SOAT1: variants seen among roughly 807,000 people sequenced by gnomAD.
The protein encoded by SOAT1 is acyl-coenzyme A:cholesterol acyltransferase 1.
A neutral mutation model predicts 69.5 loss-of-function variants in SOAT1; 55 were observed. The ratio of observed to expected loss-of-function variants is 0.79; its 90% CI spans 0.64 to 0.99. The LOEUF is 0.99. Among genes scored for constraint, SOAT1 ranks in the 50% least tolerant of loss-of-function variants. SOAT1 has a pLI of 0.00. For missense variants in SOAT1, 580 were observed against 669.3 expected, an observed-to-expected ratio of 0.87 and a Z score of 1.47; for synonymous variants, 231 against 224.7, an observed-to-expected ratio of 1.03 and a Z score of -0.25.
intron 1 of SOAT1, among the ~76,000 whole-genome samples, chr1:179,301,984 C>T (rs1336422757): frequency 6.6e-6 from 1 of 151,682 alleles, no homozygotes; most frequent in African/African-American, 2.4e-5. Flanking sequence ...AATCATACTC[C>T]ACCCTGTGGC....
At position 179,300,356 on chromosome 1, in the gene SOAT1, C is replaced by T. The variant is rs1028041775; in HGVS notation, c.-8-2321C>T. Among the ~76,000 whole-genome samples the T allele has an allele frequency of 1.8e-3, 275 of 152,234 alleles. 3 individuals are homozygous for T. Among genetic ancestry groups the T allele is most frequent in the Admixed American group, 4.6e-4 (7 of 15,282 alleles). ...GAAGAGATAGATGCTCTTGTGGCTT[C>T]CTCTGTCACTTTTACACAGAATTGG... On this transcript the variant is annotated intron_variant, in intron 1 of 15. Transcript: ENST00000367619.
chr1:179,318,016 C>T (rs1296569729), intron 2 of SOAT1, among the ~76,000 whole-genome samples: 1 of 151,860 alleles, frequency 6.6e-6, no homozygotes, highest in South Asian at 2.1e-4. Context: ...CATAGTGAGA[C>T]CTTGTCTCTA....
In SOAT1 at chr1:179,342,857, T is replaced by C. The variant is rs765860338; in HGVS notation, c.860-5T>C. 79 of 1,610,690 alleles carry C rather than the reference T, an allele frequency of 4.9e-5. No individual in the cohort carries two copies. The highest frequency in any genetic ancestry group is 6.2e-5 in the Non-Finnish European group (73 of 1,177,180). The stretch of plus-strand genomic sequence containing the variant: ...TTTGCTCTAACTATAGTTTTCCTTT[T>C]CTAGGCACTGTTCCAATACCTACAG... On this transcript the variant is annotated splice_region_variant and splice_polypyrimidine_tract_variant and intron_variant, in intron 8 of 15. Coordinates refer to ENST00000367619, the MANE Select transcript of SOAT1 (RefSeq NM_003101.6).
Position 179,347,616 on chromosome 1 carries a change from C to T in SOAT1, c.1134C>T (p.Phe378=), listed in dbSNP as rs1558058654. 1.2e-6 allele frequency: 2 copies of T among 1,610,266 alleles called. No homozygotes were observed. The highest frequency in any genetic ancestry group is 1.7e-5 in the Admixed American group (1 of 59,806). The change falls in exon 12 of 16, where the codon TTC becomes TTT. Residue 378 remains phenylalanine, a synonymous_variant. Coordinates refer to ENST00000367619, the MANE Select transcript of SOAT1 (RefSeq NM_003101.6). The part of the protein sequence containing the change: ...NSILPGVLIL[F]LTFFAFLHCW... ...TATTTTTAGGTGTGCTGATTCTCTT[C>T]CTTACTTTTTTTGCCTTTTTGCACT...
chr1:179,323,397 T>C (rs367654648), intron 2 of SOAT1, 40 bp from the exon 3 acceptor site: 15 of 1,547,000 alleles, frequency 9.7e-6, no homozygotes, highest in Non-Finnish European at 1.3e-5. Context: ...TAGGTAGCTG[T>C]ATCCATCAAC....
intron 2 of SOAT1, among the ~76,000 whole-genome samples, chr1:179,304,835 T>G (rs1571405142): frequency 1.3e-5 from 2 of 151,496 alleles, no homozygotes; most frequent in Non-Finnish European, 3.0e-5. Context: ...TTTAATAGAG[T>G]TGGGGCTTCA....
Position 179,302,816 on chromosome 1 carries a change from T to C in SOAT1, c.118+14T>C, listed in dbSNP as rs779392433. On this transcript the variant is annotated intron_variant, in intron 2 of 15. Transcript: ENST00000367619. ...CACCTAGTAATGGTGAGGCTTAATT[T>C]TTTTTTTTTAGGTGAATTAGTGAAA... is the stretch of plus-strand genomic sequence containing the variant. The C allele has an allele frequency of 6.7e-7, 1 of 1,482,614 alleles. No homozygotes were observed. Among genetic ancestry groups the C allele is most frequent in the Admixed American group, 2.3e-5 (1 of 43,772 alleles). The allele number at this position is 1,482,614 out of a possible 1,614,324, so 91.8% of individuals were successfully genotyped here.
At chr1:179,340,971 C>A in intron 6 of SOAT1, 57 bp from the exon 7 acceptor site, 2 of 1,521,124 alleles carry the variant, frequency 1.3e-6, no homozygotes, top group Non-Finnish European at 1.8e-6. Context: ...ATTCTGTGAA[C>A]TCAGTGTATA....
chr1:179,329,473 C>T (rs576530339), intron 3 of SOAT1, among the ~76,000 whole-genome samples: 1 of 152,260 alleles, frequency 6.6e-6, no homozygotes, highest in African/African-American at 2.4e-5. Flanking sequence ...CGCCTGTAAT[C>T]CCAGCACTTT....
intron 15 of SOAT1, among the ~76,000 whole-genome samples, chr1:179,352,157 T>C (rs1181706441): frequency 6.6e-6 from 1 of 152,012 alleles, no homozygotes; most frequent in East Asian, 1.9e-4. Context: ...TCCATTTCTC[T>C]TGATTCTATT....
intron 1 of SOAT1, among the ~76,000 whole-genome samples, chr1:179,298,494 T>C (rs1664728256): frequency 6.6e-6 from 1 of 151,922 alleles, no homozygotes; most frequent in Admixed American, 6.6e-5. Flanking sequence ...GGAGACAGGG[T>C]TTCACTCTGT....
intron 14 of SOAT1, 53 bp from the exon 15 acceptor site, chr1:179,351,264 G>T: frequency 6.4e-7 from 1 of 1,551,974 alleles, no homozygotes; most frequent in South Asian, 1.1e-5. Context: ...GGCTGGTCTC[G>T]AACTTCTGAC....
intron 15 of SOAT1, among the ~76,000 whole-genome samples, chr1:179,352,761 T>C (rs187980571): frequency 2.8e-3 from 424 of 151,840 alleles, no homozygotes; most frequent in Admixed American, 5.8e-3. Context: ...CAGTTTCCTC[T>C]CCAAAGCTTC....
At chr1:179,321,189 A>T (rs777044273) in intron 2 of SOAT1, among the ~76,000 whole-genome samples, 66 of 152,012 alleles carry the variant, frequency 4.3e-4, no homozygotes, top group Non-Finnish European at 8.2e-4. Flanking sequence ...TACACACATG[A>T]GCCACCACGC....
chr1:179,294,785 G>GGCCTCCCAA (rs1480361393), intron 1 of SOAT1, among the ~76,000 whole-genome samples: 1 of 152,002 alleles, frequency 6.6e-6, no homozygotes, highest in East Asian at 1.9e-4. Context: ...CGCCCGCTTC[G>GGCCTCCCAA]GCCTCCCAAA....
chr1:179,350,728 A>G (rs1329801127), intron 14 of SOAT1, among the ~76,000 whole-genome samples: 1 of 152,214 alleles, frequency 6.6e-6, no homozygotes, highest in Non-Finnish European at 1.5e-5. Context: ...ATTCGTAAAC[A>G]TTGTCGGTAT....
intron 1 of SOAT1, among the ~76,000 whole-genome samples, chr1:179,302,270 A>G (rs1325713338): frequency 2.0e-5 from 3 of 152,180 alleles, no homozygotes; most frequent in Non-Finnish European, 2.9e-5. Context: ...AATTCACGTA[A>G]GCCAGATGCT....
chr1:179,299,365 G>A (rs1422694425), intron 1 of SOAT1, among the ~76,000 whole-genome samples: 1 of 152,166 alleles, frequency 6.6e-6, no homozygotes, highest in Non-Finnish European at 1.5e-5. Context: ...AAAAAGTTTA[G>A]CAGCACAGTG....
chr1:179,347,139 A>C (rs1666558691), intron 11 of SOAT1, among the ~76,000 whole-genome samples: 2 of 152,104 alleles, frequency 1.3e-5, no homozygotes, highest in South Asian at 4.1e-4. Flanking sequence ...TGGGCAGATC[A>C]CAAGGTCAGG....
Sources: gnomAD v4.1 joint callset for allele counts (sites outside exome capture counted in the v4.1 genomes callset) on GRCh38, gnomAD v4.1.1 for gene constraint, MANE v1.5 for transcripts, NCBI Gene and HGNC (gene_info 2026-07-23, HGNC 2026-07-21) for gene names.